The following IL1RAPL1 variants were observed in gnomAD, a reference collection of about 807,000 sequenced individuals.
IL1RAPL1 encodes interleukin 1 receptor accessory protein like 1, also known as interleukin-1 receptor accessory protein-like 1.
Under a neutral mutation model 48.4 loss-of-function variants are expected in IL1RAPL1, and 3 were observed. The observed-to-expected ratio is 0.06, with a 90% confidence interval of 0.03 to 0.16. The LOEUF is 0.16. Ranked by LOEUF, IL1RAPL1 falls within the 10% of genes least tolerant of loss-of-function variation. IL1RAPL1 has a pLI of 1.00. For missense variants in IL1RAPL1, 349 were observed against 530.6 expected, an observed-to-expected ratio of 0.66 and a Z score of 3.36; for synonymous variants, 185 against 187.7, an observed-to-expected ratio of 0.99 and a Z score of 0.12.
chrX:29,792,763 T>C (rs1162289835), intron 6 of IL1RAPL1, among the ~76,000 whole-genome samples: 1 of 110,519 alleles, frequency 9.0e-6, no homozygotes, highest in Non-Finnish European at 1.9e-5. Flanking sequence ...ATTTAATCAT[T>C]ATGCAAAAAA....
intron 3 of IL1RAPL1, among the ~76,000 whole-genome samples, chrX:29,358,369 G>T (rs780876857): frequency 1.8e-3 from 198 of 110,331 alleles, no homozygotes; most frequent in African/African-American, 5.9e-3. Context: ...TTCATTGTCT[G>T]TGTCTCTATC....
chrX:29,770,672 GT>G (rs767022781), intron 6 of IL1RAPL1, among the ~76,000 whole-genome samples: 1 of 112,274 alleles, frequency 8.9e-6, no homozygotes, highest in South Asian at 3.7e-4. Flanking sequence ...CAGAATCTGT[GT>G]TTTAGCTGCC....
At chrX:29,534,859 C>A (rs1279619430) in intron 5 of IL1RAPL1, among the ~76,000 whole-genome samples, 2 of 108,985 alleles carry the variant, frequency 1.8e-5, no homozygotes, top group Non-Finnish European at 3.8e-5. Context: ...GTCCCAGCTG[C>A]TCGGGAGGCT....
chrX:28,762,823 C>CACACACAGAGAG (rs1268556014), intron 1 of IL1RAPL1, among the ~76,000 whole-genome samples: 5 of 36,778 alleles, frequency 1.4e-4, no homozygotes, highest in East Asian at 7.2e-4. Flanking sequence ...CACACACACA[C>CACACACAGAGAG]AGAGAGAGAG....
rs180930042 is a variant in IL1RAPL1, at chrX:29,625,325, A to G, written c.704-43105A>G. Among the ~76,000 whole-genome samples the G allele has an allele frequency of 5.5e-3, 619 of 112,205 alleles. 6 individuals are homozygous for G. The highest frequency in any genetic ancestry group is 0.018 in the African/African-American group (571 of 30,965). On this transcript the variant is annotated intron_variant, in intron 5 of 10. Coordinates refer to ENST00000378993, the MANE Select transcript of IL1RAPL1 (RefSeq NM_014271.4). ...AAATTTTATTTGATGATTTGAATGG[A>G]AATACATGATGATTTTTTCTTATAT...
chrX:29,525,857 G>A (rs1346920676), intron 5 of IL1RAPL1, among the ~76,000 whole-genome samples: 1 of 112,125 alleles, frequency 8.9e-6, no homozygotes, highest in East Asian at 2.8e-4. Flanking sequence ...ACCCACACAT[G>A]AAGCCCCTGA....
intron 1 of IL1RAPL1, among the ~76,000 whole-genome samples, chrX:28,747,070 A>G (rs1449347256): frequency 1.8e-5 from 2 of 110,957 alleles, no homozygotes; most frequent in Non-Finnish European, 3.8e-5. Flanking sequence ...TTCATAATTA[A>G]TGACATTCTA....
chrX:29,092,817 A>G (rs1347847537), intron 2 of IL1RAPL1, among the ~76,000 whole-genome samples: 2 of 111,926 alleles, frequency 1.8e-5, no homozygotes, highest in Non-Finnish European at 3.8e-5. Context: ...GAGAATCACA[A>G]TTTGCATATG....
At chrX:29,198,730 T>C (rs1930493918) in intron 2 of IL1RAPL1, among the ~76,000 whole-genome samples, 1 of 111,711 alleles carries the variant, frequency 9.0e-6, no homozygotes. Flanking sequence ...GAGTGGCTTA[T>C]TGCATCAAAA....
chrX:29,740,979 T>A (rs955943291), intron 6 of IL1RAPL1, among the ~76,000 whole-genome samples: 2 of 108,454 alleles, frequency 1.8e-5, no homozygotes, highest in African/African-American at 6.5e-5. Context: ...GGATGAGTAA[T>A]GGCAGGACAA....
At chrX:29,406,557 T>A (rs1302371827) in intron 5 of IL1RAPL1, among the ~76,000 whole-genome samples, 2 of 111,947 alleles carry the variant, frequency 1.8e-5, no homozygotes, top group African/African-American at 6.5e-5. Context: ...TTGCGGTTTT[T>A]GCCATAACTT....
intron 5 of IL1RAPL1, among the ~76,000 whole-genome samples, chrX:29,465,168 G>T (rs757982259): frequency 7.1e-4 from 79 of 111,733 alleles, no homozygotes; most frequent in African/African-American, 2.5e-3. Flanking sequence ...ACTTTGGGAG[G>T]TCAAGGCAAG....
chrX:29,060,956 A>G (rs1254730036), intron 2 of IL1RAPL1, among the ~76,000 whole-genome samples: 1 of 111,427 alleles, frequency 9.0e-6, no homozygotes, highest in Non-Finnish European at 1.9e-5. Context: ...TGGCTTATTT[A>G]TATATTTCAG....
At chrX:29,350,696 A>G (rs1231915504) in intron 3 of IL1RAPL1, among the ~76,000 whole-genome samples, 1 of 108,683 alleles carries the variant, frequency 9.2e-6, no homozygotes, top group Non-Finnish European at 1.9e-5. Flanking sequence ...CTGCTGGGAT[A>G]GGCTCCCACC....
chrX:29,168,857 ATG>A (rs1195010965), intron 2 of IL1RAPL1, among the ~76,000 whole-genome samples: 1 of 90,641 alleles, frequency 1.1e-5, no homozygotes, highest in Non-Finnish European at 2.2e-5. Flanking sequence ...ACAATTGTAT[ATG>A]TATATTCATA....
intron 5 of IL1RAPL1, among the ~76,000 whole-genome samples, chrX:29,517,879 T>G (rs2147770747): frequency 8.9e-6 from 1 of 112,000 alleles, no homozygotes; most frequent in Admixed American, 9.5e-5. Flanking sequence ...AATTCTGTCT[T>G]TTATGAACTT....
chrX:28,700,153 T>G (rs151101372), intron 1 of IL1RAPL1, among the ~76,000 whole-genome samples: 2,610 of 111,485 alleles, frequency 0.023, 73 homozygotes, highest in African/African-American at 0.079. Context: ...AGAAATTCAT[T>G]ATCAAATGAA....
At chrX:29,500,213 T>A (rs970916854) in intron 5 of IL1RAPL1, among the ~76,000 whole-genome samples, 3 of 111,921 alleles carry the variant, frequency 2.7e-5, no homozygotes, top group Non-Finnish European at 5.6e-5. Context: ...ACACCTGATC[T>A]CAGGTGATCC....
intron 1 of IL1RAPL1, among the ~76,000 whole-genome samples, chrX:28,621,959 G>T (rs1934289248): frequency 9.0e-6 from 1 of 110,756 alleles, no homozygotes; most frequent in Non-Finnish European, 1.9e-5. Flanking sequence ...GGAAGGAAGA[G>T]GCAGGTGGCA....
Sources: allele counts gnomAD v4.1 joint callset (sites outside exome capture counted in the v4.1 genomes callset), GRCh38; gene constraint gnomAD v4.1.1; transcripts MANE v1.5; gene names NCBI Gene and HGNC (gene_info 2026-07-23, HGNC 2026-07-21).